The following IFTAP variants were observed in gnomAD, a reference collection of about 807,000 sequenced individuals.
IFTAP encodes intraflagellar transport-associated protein.
In IFTAP, 19 loss-of-function variants were observed where a neutral mutation model predicts 19.4. The observed-to-expected ratio is 0.98, with a 90% confidence interval of 0.68 to 1.44. The LOEUF (loss-of-function observed/expected upper bound fraction) is 1.44. Ranked by LOEUF, IFTAP falls within the 40% of genes most tolerant of loss-of-function variation. The pLI, the probability that IFTAP is intolerant of heterozygous loss-of-function variation, is 0.00. For missense variants in IFTAP, 240 were observed against 253.6 expected (o/e 0.95, Z 0.36); for synonymous variants, 85 against 83.5 (o/e 1.02, Z -0.10).
chr11:36,608,529 A>T (rs575958922), intron 1 of IFTAP, among the ~76,000 whole-genome samples: 1 of 152,362 alleles, frequency 6.6e-6, no homozygotes, highest in African/African-American at 2.4e-5. Context: ...TGTAAGAAGA[A>T]TACTTTATGC....
At chr11:36,632,402 A>C (rs1852762450) in intron 2 of IFTAP, among the ~76,000 whole-genome samples, 1 of 151,164 alleles carries the variant, frequency 6.6e-6, no homozygotes. Flanking sequence ...CCTTTGGGTC[A>C]TTTCCACTAC....
intron 5 of IFTAP, among the ~76,000 whole-genome samples, chr11:36,649,224 T>A (rs1853608937): frequency 6.6e-6 from 1 of 152,176 alleles, no homozygotes; most frequent in Non-Finnish European, 1.5e-5. Context: ...CATTTCAGTT[T>A]TAAATTGCCA....
At chr11:36,596,211 GT>G (rs1243664769) in intron 1 of IFTAP, among the ~76,000 whole-genome samples, 10 of 101,140 alleles carry the variant, frequency 9.9e-5, no homozygotes, top group East Asian at 3.7e-4. Flanking sequence ...AGATGGTAGT[GT>G]TTTTTTTTTG....
intron 1 of IFTAP, among the ~76,000 whole-genome samples, chr11:36,608,576 G>C (rs1422556218): frequency 6.6e-6 from 1 of 152,212 alleles, no homozygotes; most frequent in Non-Finnish European, 1.5e-5. Context: ...AATATCATAA[G>C]TGAAAATGAA....
At chr11:36,604,538 G>C (rs1483388231) in intron 1 of IFTAP, among the ~76,000 whole-genome samples, 1 of 151,862 alleles carries the variant, frequency 6.6e-6, no homozygotes, top group Admixed American at 6.6e-5. Flanking sequence ...TTTCTCATTT[G>C]TATTGGTAGG....
At chr11:36,641,255 A>T (rs907860803) in intron 4 of IFTAP, among the ~76,000 whole-genome samples, 1 of 152,164 alleles carries the variant, frequency 6.6e-6, no homozygotes, top group Non-Finnish European at 1.5e-5. Context: ...ATTTTTAGAA[A>T]ATAGATTTTT....
intron 4 of IFTAP, among the ~76,000 whole-genome samples, chr11:36,641,831 T>C (rs1358939348): frequency 1.3e-5 from 2 of 152,194 alleles, no homozygotes; most frequent in Non-Finnish European, 2.9e-5. Flanking sequence ...GATATCTTTT[T>C]TAACTTCCTG....
rs1384408740 is a variant in IFTAP, at chr11:36,649,890, C to CTTGG, written c.498+1735_498+1736insTTGG. Among the ~76,000 whole-genome samples, 76 of 152,228 alleles carry CTTGG rather than the reference C, an allele frequency of 5.0e-4. No individual in the cohort carries two copies. In the South Asian group the frequency reaches 0.015, roughly 31 times the overall value. ...GTCTAGAATCACAATACAGGTTGAA[C>CTTGG]ATTCCTAATGGGAAAATCCAAAATG... On this transcript the variant is annotated intron_variant, in intron 5 of 5. Transcript: ENST00000334307.
At chr11:36,645,886 A>T (rs1456463866) in intron 4 of IFTAP, among the ~76,000 whole-genome samples, 2 of 152,178 alleles carry the variant, frequency 1.3e-5, no homozygotes, top group East Asian at 3.8e-4. Flanking sequence ...GTTGAGTTTA[A>T]AAGTTGAGGT....
chr11:36,611,656 C>T (rs1012832625), intron 2 of IFTAP, among the ~76,000 whole-genome samples: 2 of 151,966 alleles, frequency 1.3e-5, no homozygotes, highest in Non-Finnish European at 2.9e-5. Context: ...TAATTGATAT[C>T]TGTTTTGTTT....
chr11:36,637,040 A>C (rs912948524), intron 4 of IFTAP, among the ~76,000 whole-genome samples: 3 of 151,814 alleles, frequency 2.0e-5, no homozygotes, highest in Admixed American at 6.6e-5. Flanking sequence ...GTTGATGTTT[A>C]ACTATTGTTT....
At chr11:36,625,384 G>T (rs1302325559) in intron 2 of IFTAP, among the ~76,000 whole-genome samples, 1 of 152,050 alleles carries the variant, frequency 6.6e-6, no homozygotes, top group Non-Finnish European at 1.5e-5. Context: ...GCTACACATA[G>T]TTTCTGTAAC....
chr11:36,625,988 C>T (rs1195981341), intron 2 of IFTAP, among the ~76,000 whole-genome samples: 2 of 145,570 alleles, frequency 1.4e-5, no homozygotes, highest in East Asian at 1.9e-4. Context: ...GCATGAGCAA[C>T]GGTGAAAGGA....
At chr11:36,639,333 G>A (rs940462462) in intron 4 of IFTAP, among the ~76,000 whole-genome samples, 2 of 151,716 alleles carry the variant, frequency 1.3e-5, no homozygotes, top group Admixed American at 6.6e-5. Flanking sequence ...CTTATGGTGT[G>A]GCTGATTGTA....
intron 2 of IFTAP, among the ~76,000 whole-genome samples, chr11:36,617,293 T>C (rs564483878): frequency 9.6e-4 from 146 of 151,388 alleles, no homozygotes; most frequent in African/African-American, 3.5e-3. Context: ...TAAAACCACA[T>C]ATGTAAGCAG....
At chr11:36,603,761 A>G (rs1851591122) in intron 1 of IFTAP, among the ~76,000 whole-genome samples, 1 of 152,054 alleles carries the variant, frequency 6.6e-6, no homozygotes, top group African/African-American at 2.4e-5. Flanking sequence ...GTCTCTACTC[A>G]GAATACAAAA....
intron 1 of IFTAP, among the ~76,000 whole-genome samples, chr11:36,598,537 G>A (rs1384815894): frequency 2.0e-5 from 3 of 152,152 alleles, no homozygotes; most frequent in African/African-American, 7.2e-5. Context: ...GAAAGTATTT[G>A]TCCTGAAGCA....
intron 3 of IFTAP, among the ~76,000 whole-genome samples, chr11:36,635,630 C>T (rs761030901): frequency 2.2e-4 from 34 of 152,220 alleles, no homozygotes; most frequent in Admixed American, 5.2e-4. Flanking sequence ...TCAGAAAGCA[C>T]GGTGTTATGA....
rs369477261 is a variant in IFTAP at position 36,636,011 on chromosome 11, G to A, written c.292-40G>A. 2.7e-4 allele frequency: 372 copies of A among 1,401,432 alleles called. No homozygotes were observed. In the African/African-American group the frequency reaches 4.7e-3, roughly 18 times the overall value. 86.8% of individuals were successfully genotyped at this position (1,401,432 alleles called of 1,614,324 possible). A position where few individuals can be genotyped will look rare whatever the true frequency, so the allele number is the denominator to read the frequency against. Reference sequence around the variant, plus strand: ...ACTTTTCACTGCAGTTTTTCTTTAGGTCTATTCTGCTTAAAAATTATGTTA... The same window carrying A: ...ACTTTTCACTGCAGTTTTTCTTTAGATCTATTCTGCTTAAAAATTATGTTA... On this transcript the variant is annotated intron_variant, in intron 3 of 5. Coordinates refer to ENST00000334307, the MANE Select transcript of IFTAP (RefSeq NM_138787.4).
Sources: allele counts gnomAD v4.1 joint callset (sites outside exome capture counted in the v4.1 genomes callset), GRCh38; gene constraint gnomAD v4.1.1; transcripts MANE v1.5; gene names NCBI Gene and HGNC (gene_info 2026-07-23, HGNC 2026-07-21).